The following TMEM175 variants were observed in gnomAD, a reference collection of about 807,000 sequenced individuals.
TMEM175 encodes endosomal/lysosomal proton channel TMEM175.
Under a neutral mutation model 36.5 loss-of-function variants are expected in TMEM175, and 36 were observed. The ratio of observed to expected loss-of-function variants is 0.99; its 90% CI spans 0.76 to 1.30. The LOEUF (loss-of-function observed/expected upper bound fraction) is 1.30, where lower values mean the gene tolerates loss of function less well. Ranked by LOEUF, TMEM175 falls within the 50% of genes most tolerant of loss-of-function variation. TMEM175 has a pLI of 0.00. For missense variants in TMEM175, 705 were observed against 692.8 expected (o/e 1.02, Z -0.20); for synonymous variants, 339 against 313.4 (o/e 1.08, Z -0.86).
rs1560494981 is a variant in TMEM175 at position 953,335 on chromosome 4, CTCTCT to C, written c.612_616del (p.Phe205CysfsTer45). The C allele has an allele frequency of 6.2e-7, 1 of 1,613,144 alleles. No homozygotes were observed. Among genetic ancestry groups the C allele is most frequent in the Admixed American group, 1.7e-5 (1 of 59,906 alleles). On this transcript the variant is annotated frameshift_variant, in exon 8 of 11. Transcript: ENST00000264771. LOFTEE classifies it high-confidence loss of function. ...CTGTGCTTTGCAGCGGCCATCTTCT[CTCTCT>C]TCTTTGTCCCCTTGGTGAGTGCTGG...
chr4:957,964 AC>A lies in TMEM175; in HGVS notation c.984del (p.Ser329HisfsTer16). ...ATVGLLWFAH[H>X]SLFLHVRKAT... Reference sequence around the variant, plus strand: ...GTGGGACTGCTGTGGTTCGCCCACCACTCACTCTTCCTGCATGTGCGCAAGG... The same window carrying A: ...GTGGGACTGCTGTGGTTCGCCCACCATCACTCTTCCTGCATGTGCGCAAGG... On this transcript the variant is annotated frameshift_variant, in exon 11 of 11. Coordinates refer to ENST00000264771, the MANE Select transcript of TMEM175 (RefSeq NM_032326.4). LOFTEE classifies it low-confidence loss of function (END_TRUNC). The A allele has an allele frequency of 6.2e-7, 1 of 1,612,608 alleles. No homozygotes were observed. Among genetic ancestry groups the A allele is most frequent in the Non-Finnish European group, 8.5e-7 (1 of 1,179,908 alleles).
intron 1 of TMEM175, among the ~76,000 whole-genome samples, chr4:945,035 C>T (rs1204876202): frequency 6.6e-6 from 1 of 152,052 alleles, no homozygotes; most frequent in East Asian, 1.9e-4. Flanking sequence ...CCTAGGAGGT[C>T]GAGGCTGCAG....
chr4:947,668 G>C, intron 1 of TMEM175, 41 bp from the exon 2 acceptor site: 1 of 1,521,618 alleles, frequency 6.6e-7, no homozygotes, highest in South Asian at 1.3e-5. Flanking sequence ...CGACCTCCAG[G>C]AGCGCCCCAC....
chr4:945,387 G>A (rs1728014493), intron 1 of TMEM175, among the ~76,000 whole-genome samples: 1 of 151,166 alleles, frequency 6.6e-6, no homozygotes, highest in Non-Finnish European at 1.5e-5. Context: ...CTCACTCCCC[G>A]CCGTCTGTCC....
intron 10 of TMEM175, among the ~76,000 whole-genome samples, chr4:957,112 C>T (rs997893245): frequency 6.6e-6 from 1 of 152,228 alleles, no homozygotes; most frequent in Non-Finnish European, 1.5e-5. Flanking sequence ...GGGGAGCTGC[C>T]CCCTCCCAGC....
intron 3 of TMEM175, 79 bp from the exon 4 acceptor site, chr4:950,342 C>T: frequency 8.3e-7 from 1 of 1,207,370 alleles, no homozygotes; most frequent in Non-Finnish European, 1.2e-6. Context: ...GGCCAGCCCC[C>T]CCTCACGGTG....
At chr4:933,094 G>A (rs1273830903) in intron 1 of TMEM175, among the ~76,000 whole-genome samples, 2 of 152,208 alleles carry the variant, frequency 1.3e-5, no homozygotes, top group East Asian at 1.9e-4. Flanking sequence ...GAGATGAAAT[G>A]GTGACTTTCC....
chr4:936,308 A>G (rs7697111), intron 1 of TMEM175, among the ~76,000 whole-genome samples: 45,313 of 147,974 alleles, frequency 0.31, 6,921 homozygotes, highest in Non-Finnish European at 0.36. Flanking sequence ...CTCTGTCACA[A>G]AAAAAAAAAA....
intron 10 of TMEM175, among the ~76,000 whole-genome samples, chr4:957,185 G>A (rs967908590): frequency 1.1e-4 from 16 of 141,824 alleles, no homozygotes; most frequent in Middle Eastern, 3.5e-3. Context: ...CTCACCCCTC[G>A]CCCTCTGCGT....
chr4:951,860 G>GC, intron 6 of TMEM175, 143 bp downstream of exon 6: 2 of 847,864 alleles, frequency 2.4e-6, no homozygotes, highest in Admixed American at 4.6e-5. Context: ...GGGAGAGCCA[G>GC]CTGTTGGGCT....
At chr4:954,306 A>C (rs1729342336) in intron 8 of TMEM175, among the ~76,000 whole-genome samples, 1 of 152,176 alleles carries the variant, frequency 6.6e-6, no homozygotes, top group Non-Finnish European at 1.5e-5. Flanking sequence ...TTGGATAAGG[A>C]ATCTATACAA....
chr4:951,891 T>TGGCGG lies in TMEM175; in HGVS notation c.378+177_378+181dup, dbSNP rs574046682. On this transcript the variant is annotated intron_variant, in intron 6 of 10. Coordinates refer to ENST00000264771, the MANE Select transcript of TMEM175 (RefSeq NM_032326.4). ...GGGCTGTTGGGGGCTTCTTTCAGGC[T>TGGCGG]GGCGGGGAGGGGAGGCAGTGGCCCC... The TGGCGG allele has an allele frequency of 4.8e-4, 334 of 698,494 alleles. 1 individual carries two copies. Among genetic ancestry groups the TGGCGG allele is most frequent in the Admixed American group, 3.0e-3 (112 of 37,426 alleles). The allele number at this position is 698,494 out of a possible 1,614,324, so 43.3% of individuals were successfully genotyped here.
chr4:951,916 C>T (rs369508873), intron 6 of TMEM175, 199 bp downstream of exon 6: 34 of 627,394 alleles, frequency 5.4e-5, no homozygotes, highest in African/African-American at 3.9e-4. Context: ...GCAGTGGCCC[C>T]GATGAGGGAG....
rs1028009931 is a variant in TMEM175 at position 932,483 on chromosome 4, G to A, written c.-89G>A. 6.2e-6 allele frequency: 3 copies of A among 485,006 alleles called. No homozygotes were observed. The highest frequency in any genetic ancestry group is 4.1e-5 in the African/African-American group (2 of 49,050). 30.0% of individuals were successfully genotyped at this position (485,006 alleles called of 1,614,324 possible). ...ATGAACTTCCGGCTGTCAAGCTCCCGGCCGGGCTGACTCAAGCGGAGGCGC... is the reference window on the plus strand; with the variant it reads ...ATGAACTTCCGGCTGTCAAGCTCCCAGCCGGGCTGACTCAAGCGGAGGCGC... On this transcript the variant is annotated 5_prime_UTR_variant, in exon 1 of 11. Transcript: ENST00000264771. The surrounding 1 kb of genome is among the most constrained non-coding windows in gnomAD (Gnocchi z 4.0).
intron 1 of TMEM175, among the ~76,000 whole-genome samples, chr4:947,227 C>G (rs1728285761): frequency 7.8e-6 from 1 of 128,462 alleles, no homozygotes; most frequent in Non-Finnish European, 1.7e-5. Flanking sequence ...CAGCCCCAGG[C>G]ACGTGTGCAC....
intron 3 of TMEM175, chr4:948,622 G>T: frequency 7.8e-7 from 1 of 1,276,880 alleles, no homozygotes; most frequent in Non-Finnish European, 1.0e-6. Context: ...GGAGGTGAGC[G>T]GGAAAGGGTT....
chr4:958,232 G>A lies in TMEM175; in HGVS notation c.1251G>A (p.Val417=). Residue 417 remains valine, a synonymous_variant, in exon 11 of 11, where the codon GTG becomes GTA. Coordinates refer to ENST00000264771, the MANE Select transcript of TMEM175 (RefSeq NM_032326.4). ...PSVWFGGREH[V]LMFAKLALYP... ...TGTGGTTTGGCGGCCGGGAGCATGT[G>A]CTCATGTTCGCCAAGCTGGCGCTGT... The A allele has an allele frequency of 1.9e-6, 3 of 1,603,778 alleles. No homozygotes were observed. The highest frequency in any genetic ancestry group is 2.2e-5 in the South Asian group (2 of 91,036).
chr4:948,193 C>G, intron 3 of TMEM175, 39 bp downstream of exon 3: 2 of 1,614,024 alleles, frequency 1.2e-6, no homozygotes, highest in African/African-American at 1.3e-5. Context: ...TGTGGCCCTG[C>G]GAAGATATAG....
rs955170824 is a variant in TMEM175, at chr4:953,376, G to A, written c.627+22G>A. Reference sequence around the variant, plus strand: ...CTTGGTGAGTGCTGGGACAGCCCGTGGGGCCCAGGCAGGAACGGGGGCCAC... The same window carrying A: ...CTTGGTGAGTGCTGGGACAGCCCGTAGGGCCCAGGCAGGAACGGGGGCCAC... On this transcript the variant is annotated intron_variant, in intron 8 of 10. Coordinates refer to ENST00000264771, the MANE Select transcript of TMEM175 (RefSeq NM_032326.4). The A allele has an allele frequency of 3.2e-6, 5 of 1,585,924 alleles. No individual in the cohort carries two copies. In the African/African-American group the frequency reaches 6.7e-5, roughly 21 times the overall value.
Sources: allele counts gnomAD v4.1 joint callset (sites outside exome capture counted in the v4.1 genomes callset), GRCh38; gene constraint gnomAD v4.1.1; non-coding constraint Gnocchi (gnomAD v3.1); transcripts MANE v1.5; gene names NCBI Gene and HGNC (gene_info 2026-07-23, HGNC 2026-07-21).